The following FAF1 variants were observed in gnomAD, a reference collection of about 807,000 sequenced individuals.
The protein encoded by FAF1 is Fas associated factor 1.
FAF1 carries 25 observed loss-of-function variants against 92.5 expected under a neutral mutation model. The ratio of observed to expected loss-of-function variants is 0.27; its 90% CI spans 0.20 to 0.38. FAF1 has a LOEUF of 0.38. FAF1 is among the 10% of genes least tolerant of loss of function. FAF1 has a pLI of 1.00. For synonymous variants in FAF1, 234 were observed against 273.2 expected, an observed-to-expected ratio of 0.86 and a Z score of 1.42; for missense variants, 636 against 793.3, an observed-to-expected ratio of 0.80 and a Z score of 2.38.
chr1:50,751,175 G>A (rs901818946), intron 4 of FAF1, among the ~76,000 whole-genome samples: 1 of 150,312 alleles, frequency 6.7e-6, no homozygotes, highest in Admixed American at 6.6e-5. Context: ...GCTAAACTTA[G>A]AGCAAAGTAG....
chr1:50,531,409 T>C (rs1648161206), intron 15 of FAF1, among the ~76,000 whole-genome samples: 1 of 152,168 alleles, frequency 6.6e-6, no homozygotes, highest in Non-Finnish European at 1.5e-5. Context: ...GGTTTCTAGG[T>C]AGCTTAAAAA....
chr1:50,599,782 C>T (rs1652009758), intron 8 of FAF1, among the ~76,000 whole-genome samples: 1 of 152,056 alleles, frequency 6.6e-6, no homozygotes, highest in Admixed American at 6.5e-5. Context: ...ACTACTTAAA[C>T]AAATGATGGG....
chr1:50,605,601 T>C (rs1344186796), intron 8 of FAF1, among the ~76,000 whole-genome samples: 1 of 152,042 alleles, frequency 6.6e-6, no homozygotes, highest in Non-Finnish European at 1.5e-5. Context: ...TAATCCACAC[T>C]GTGAATTAAA....
Position 50,959,733 on chromosome 1 carries a change from G to A in FAF1, c.45+34C>T, listed in dbSNP as rs201358083. On this transcript the variant is annotated intron_variant, in intron 1 of 18. Transcript: ENST00000396153. ...TGTGGCACCGGAAACCCACGAGGTT[G>A]GAAGTGGGAGGGGAAGAGGGCCAGA... The A allele has an allele frequency of 1.6e-4, 246 of 1,586,602 alleles. 1 individual carries two copies. The highest frequency in any genetic ancestry group is 4.0e-5 in the Non-Finnish European group (46 of 1,161,368).
At chr1:50,890,992 T>TAC (rs1488749982) in intron 1 of FAF1, among the ~76,000 whole-genome samples, 1 of 152,228 alleles carries the variant, frequency 6.6e-6, no homozygotes, top group Non-Finnish European at 1.5e-5. Flanking sequence ...CACTTTCAGG[T>TAC]ACACCAATCA....
At chr1:50,464,210 T>A (rs1646466978) in intron 18 of FAF1, among the ~76,000 whole-genome samples, 1 of 152,202 alleles carries the variant, frequency 6.6e-6, no homozygotes, top group Admixed American at 6.5e-5. Flanking sequence ...TCTCTCTATG[T>A]TGCCCAGGCT....
intron 6 of FAF1, among the ~76,000 whole-genome samples, chr1:50,724,390 T>C (rs1167622804): frequency 6.6e-6 from 1 of 151,870 alleles, no homozygotes; most frequent in Non-Finnish European, 1.5e-5. Context: ...CACAGGTAGA[T>C]ACCTATTACC....
intron 2 of FAF1, among the ~76,000 whole-genome samples, chr1:50,838,035 G>A (rs982858996): frequency 4.6e-5 from 7 of 152,100 alleles, no homozygotes; most frequent in East Asian, 1.9e-4. Context: ...GAGCCACCGC[G>A]CCTGGCTGGA....
intron 7 of FAF1, among the ~76,000 whole-genome samples, chr1:50,690,744 T>C (rs534057341): frequency 6.2e-4 from 94 of 152,310 alleles, no homozygotes; most frequent in African/African-American, 2.1e-3. Context: ...TCAAACCCAA[T>C]AGCAACCATT....
intron 8 of FAF1, among the ~76,000 whole-genome samples, chr1:50,602,412 A>AATGT (rs1450155030): frequency 6.6e-6 from 1 of 152,198 alleles, no homozygotes; most frequent in African/African-American, 2.4e-5. Context: ...ACACTTAAAA[A>AATGT]ATGTATGGTT....
intron 8 of FAF1, among the ~76,000 whole-genome samples, chr1:50,602,170 G>A (rs1368540503): frequency 6.6e-6 from 1 of 152,138 alleles, no homozygotes; most frequent in African/African-American, 2.4e-5. Flanking sequence ...CAGCTTTACT[G>A]TTTTTATCTT....
chr1:50,930,889 G>A (rs1029202895), intron 1 of FAF1, among the ~76,000 whole-genome samples: 3 of 152,184 alleles, frequency 2.0e-5, no homozygotes, highest in Non-Finnish European at 4.4e-5. Context: ...ACTAGGGTTA[G>A]AAAGCAGAAA....
At position 50,576,918 on chromosome 1, in the gene FAF1, T is replaced by C. The variant is rs185120463; in HGVS notation, c.1113+5700A>G. ...TTGGGATCAAACGATCCTCCCACCT[T>C]GGCCCCTCGAAGTGTTGGGATTACA... On this transcript the variant is annotated intron_variant, in intron 12 of 18. Transcript: ENST00000396153. 1.5e-3 allele frequency among the ~76,000 whole-genome samples: 235 copies of C among 151,990 alleles called. 1 individual carries two copies. The highest frequency in any genetic ancestry group is 5.5e-3 in the African/African-American group (228 of 41,444).
chr1:50,637,715 G>A (rs979715765), intron 8 of FAF1, among the ~76,000 whole-genome samples: 14 of 150,788 alleles, frequency 9.3e-5, no homozygotes, highest in East Asian at 4.0e-4. Context: ...GTGTGTGTGC[G>A]TGTGCATATG....
chr1:50,753,211 T>G (rs1033682360), intron 4 of FAF1, among the ~76,000 whole-genome samples: 1 of 152,190 alleles, frequency 6.6e-6, no homozygotes, highest in Non-Finnish European at 1.5e-5. Flanking sequence ...AACCACTAAT[T>G]TGATTTCTAT....
intron 6 of FAF1, among the ~76,000 whole-genome samples, chr1:50,716,958 TA>T (rs1325062389): frequency 6.6e-6 from 1 of 152,158 alleles, no homozygotes; most frequent in Non-Finnish European, 1.5e-5. Flanking sequence ...TTAAGAGCTG[TA>T]ACACTTGCTG....
chr1:50,876,521 C>T (rs916074017), intron 1 of FAF1, among the ~76,000 whole-genome samples: 5 of 152,144 alleles, frequency 3.3e-5, no homozygotes, highest in African/African-American at 1.2e-4. Context: ...ATACGACAAA[C>T]GAATACGTCA....
intron 7 of FAF1, among the ~76,000 whole-genome samples, chr1:50,673,322 T>C (rs1325632331): frequency 6.6e-6 from 1 of 152,074 alleles, no homozygotes; most frequent in East Asian, 1.9e-4. Context: ...TAGAATAATT[T>C]CCCAATGGAT....
intron 13 of FAF1, among the ~76,000 whole-genome samples, chr1:50,566,703 T>A (rs1305978127): frequency 6.6e-6 from 1 of 152,086 alleles, no homozygotes; most frequent in East Asian, 1.9e-4. Flanking sequence ...TTCACTGAAG[T>A]TATTAAAAAA....
Sources: gnomAD v4.1 joint callset for allele counts (sites outside exome capture counted in the v4.1 genomes callset) on GRCh38, gnomAD v4.1.1 for gene constraint, MANE v1.5 for transcripts, NCBI Gene and HGNC (gene_info 2026-07-23, HGNC 2026-07-21) for gene names.